The following OGDH variants were observed in gnomAD, a reference collection of about 807,000 sequenced individuals.
OGDH encodes oxoglutarate dehydrogenase.
In OGDH, 38 loss-of-function variants were observed where a neutral mutation model predicts 116.6. The observed-to-expected ratio is 0.33, with a 90% CI of 0.25 to 0.43. OGDH has a LOEUF of 0.43. OGDH is among the 20% of genes least tolerant of loss of function. OGDH has a pLI of 1.00. For missense variants in OGDH, 825 were observed against 1,357.2 expected (o/e 0.61, Z 6.16); for synonymous variants, 488 against 533.3 (o/e 0.92, Z 1.17).
Position 44,700,200 on chromosome 7 carries a change from C to A in OGDH, c.2490C>A (p.Val830=), listed in dbSNP as rs775050634. 1.2e-6 allele frequency: 2 copies of A among 1,614,218 alleles called. No individual in the cohort carries two copies. Among genetic ancestry groups the A allele is most frequent in the South Asian group, 2.2e-5 (2 of 91,074 alleles). ...NQLYDCNWVV[V]NCSTPGNFFH... ...TATATGACTGCAATTGGGTTGTTGTCAACTGCTCCACTCCTGGCAACTTCT... is the reference window on the plus strand; with the variant it reads ...TATATGACTGCAATTGGGTTGTTGTAAACTGCTCCACTCCTGGCAACTTCT... The change falls in exon 19 of 23, where the codon GTC becomes GTA. Residue 830 remains valine, a synonymous_variant. Coordinates refer to ENST00000222673, the MANE Select transcript of OGDH (RefSeq NM_002541.4).
At chr7:44,613,932 G>A (rs1163463397) in intron 1 of OGDH, among the ~76,000 whole-genome samples, 9 of 149,270 alleles carry the variant, frequency 6.0e-5, no homozygotes, top group South Asian at 2.2e-4. Flanking sequence ...TCAGCCTCCC[G>A]AGTAGCTGGG....
intron 2 of OGDH, among the ~76,000 whole-genome samples, chr7:44,631,060 CCAGTA>C (rs1355970847): frequency 6.6e-5 from 10 of 152,154 alleles, no homozygotes; most frequent in African/African-American, 2.4e-4. Context: ...AGGCCACTGA[CCAGTA>C]CTGGTCTGTG....
At chr7:44,657,591 C>G (rs971366764) in intron 4 of OGDH, among the ~76,000 whole-genome samples, 1 of 152,126 alleles carries the variant, frequency 6.6e-6, no homozygotes, top group African/African-American at 2.4e-5. Flanking sequence ...TTTTTTCCCC[C>G]TCGTTTCCTA....
At chr7:44,619,536 C>G (rs1363458226) in intron 1 of OGDH, among the ~76,000 whole-genome samples, 2 of 152,166 alleles carry the variant, frequency 1.3e-5, no homozygotes, top group East Asian at 1.9e-4. Flanking sequence ...ATAATGTTTT[C>G]AAGGTTCCTC....
intron 20 of OGDH, among the ~76,000 whole-genome samples, chr7:44,705,606 G>C (rs1297158497): frequency 1.3e-5 from 2 of 151,910 alleles, no homozygotes; most frequent in Non-Finnish European, 2.9e-5. Flanking sequence ...TGATGCAATC[G>C]TAGCTCACTG....
chr7:44,659,712 T>A (rs1786852347), intron 4 of OGDH, among the ~76,000 whole-genome samples: 1 of 152,204 alleles, frequency 6.6e-6, no homozygotes, highest in East Asian at 1.9e-4. Context: ...AGTCATTTTT[T>A]AAATTTCTTT....
At chr7:44,642,467 C>A (rs565508077) in intron 2 of OGDH, among the ~76,000 whole-genome samples, 2 of 151,798 alleles carry the variant, frequency 1.3e-5, no homozygotes, top group Non-Finnish European at 2.9e-5. Context: ...AGCCTTTTTT[C>A]ATGTTCCTGA....
intron 1 of OGDH, among the ~76,000 whole-genome samples, chr7:44,618,958 C>A (rs1413779615): frequency 6.6e-6 from 1 of 152,216 alleles, no homozygotes; most frequent in Non-Finnish European, 1.5e-5. Context: ...AGATCATACC[C>A]TTTTTGCCTG....
At chr7:44,634,046 G>A (rs550897727) in intron 2 of OGDH, among the ~76,000 whole-genome samples, 1 of 152,326 alleles carries the variant, frequency 6.6e-6, no homozygotes, top group African/African-American at 2.4e-5. Context: ...TCATGACTCT[G>A]TGGGTTGGCT....
chr7:44,614,053 G>C (rs570123804), intron 1 of OGDH, among the ~76,000 whole-genome samples: 2 of 151,142 alleles, frequency 1.3e-5, no homozygotes, highest in African/African-American at 4.9e-5. Context: ...CCATCCGCTC[G>C]CCTCGGCCTC....
chr7:44,608,962 T>C (rs1784459654), intron 1 of OGDH, among the ~76,000 whole-genome samples: 1 of 152,146 alleles, frequency 6.6e-6, no homozygotes, highest in South Asian at 2.1e-4. Flanking sequence ...ATATTGACAT[T>C]AATAAAATTC....
chr7:44,699,489 T>C (rs1788736903), intron 18 of OGDH, among the ~76,000 whole-genome samples: 1 of 151,256 alleles, frequency 6.6e-6, no homozygotes, highest in Admixed American at 6.6e-5. Context: ...TAAGGAAAAT[T>C]GGTTTTAGGT....
chr7:44,636,190 T>C (rs771340447), intron 2 of OGDH, among the ~76,000 whole-genome samples: 104 of 152,240 alleles, frequency 6.8e-4, no homozygotes, highest in Non-Finnish European at 1.3e-3. Context: ...CCTACTGGTC[T>C]GTGAGTGGGC....
chr7:44,610,873 G>T lies in OGDH; in HGVS notation c.-28+4220G>T, dbSNP rs139603968. On this transcript the variant is annotated intron_variant, in intron 1 of 22. Transcript: ENST00000222673. ...CGACACCCCCTTGGCCTCCCAAAGT[G>T]CTGGGATTACAGGCGTGAGCCACCG... is the stretch of plus-strand genomic sequence containing the variant. 5.0e-3 allele frequency among the ~76,000 whole-genome samples: 761 copies of T among 152,260 alleles called. 4 individuals carry two copies. Among genetic ancestry groups the T allele is most frequent in the Non-Finnish European group, 9.1e-3 (616 of 68,036 alleles).
At chr7:44,677,145 C>A (rs1269020067) in intron 9 of OGDH, among the ~76,000 whole-genome samples, 2 of 151,970 alleles carry the variant, frequency 1.3e-5, no homozygotes, top group Non-Finnish European at 2.9e-5. Flanking sequence ...ACCTAAAAAC[C>A]AAATAATCAG....
At position 44,705,417 on chromosome 7, in the gene OGDH, C is replaced by T. The variant is rs185502568; in HGVS notation, c.2633-1808C>T. Reference sequence around the variant, plus strand: ...CTTCAGTTGCCTGTGACTTTGGTGTCATATCTAAGAAATCATTACCAAATT... The same window carrying T: ...CTTCAGTTGCCTGTGACTTTGGTGTTATATCTAAGAAATCATTACCAAATT... On this transcript the variant is annotated intron_variant, in intron 20 of 22. Transcript: ENST00000222673. Among the ~76,000 whole-genome samples, 282 of 152,292 alleles carry T rather than the reference C, an allele frequency of 1.9e-3. 4 individuals are homozygous for T. The highest frequency in any genetic ancestry group is 0.014 in the Middle Eastern group (4 of 294).
rs3735476 is a variant in OGDH at position 44,674,377 on chromosome 7, A to G, written c.789-34A>G. The G allele has an allele frequency of 1.3e-3, 2,054 of 1,613,410 alleles. 39 individuals carry two copies. In the East Asian group the frequency reaches 0.04, roughly 31 times the overall value. On this transcript the variant is annotated intron_variant, in intron 6 of 22. Transcript: ENST00000222673. ...CCTCTTTTTGGTCAGGAAGAGTGAC[A>G]TTGCCCTTCAAGGTGGCTTGGTTCC... is the stretch of plus-strand genomic sequence containing the variant.
chr7:44,662,739 G>A (rs1179508332), intron 4 of OGDH, among the ~76,000 whole-genome samples: 2 of 152,136 alleles, frequency 1.3e-5, no homozygotes, highest in South Asian at 2.1e-4. Context: ...TGGGATTACC[G>A]GCGTGAGCCA....
Position 44,611,110 on chromosome 7 carries a change from T to G in OGDH, c.-28+4457T>G, listed in dbSNP as rs1489635576. Among the ~76,000 whole-genome samples the G allele has an allele frequency of 2.0e-5, 3 of 148,106 alleles. No homozygotes were observed. In the Admixed American group the frequency reaches 2.0e-4, roughly 10 times the overall value. On this transcript the variant is annotated intron_variant, in intron 1 of 22. Coordinates refer to ENST00000222673, the MANE Select transcript of OGDH (RefSeq NM_002541.4). ...TTTTTTTGGAGACACGGTCTTACTC[T>G]GTCACCCCAGGCTGGAGTGCAGTGG...
Sources: gnomAD v4.1 joint callset for allele counts (sites outside exome capture counted in the v4.1 genomes callset) on GRCh38, gnomAD v4.1.1 for gene constraint, MANE v1.5 for transcripts, NCBI Gene and HGNC (gene_info 2026-07-23, HGNC 2026-07-21) for gene names.